VPS13C: variants seen among roughly 807,000 people sequenced by gnomAD.
VPS13C encodes the protein intermembrane lipid transfer protein VPS13C.
VPS13C carries 358 observed loss-of-function variants against 456.8 expected under a neutral mutation model. That is an observed-to-expected ratio of 0.78 (90% CI 0.72 to 0.86). The LOEUF (loss-of-function observed/expected upper bound fraction) is 0.86, where lower values mean the gene tolerates loss of function less well. VPS13C is among the 40% of genes least tolerant of loss of function. The pLI is 0.00. For missense variants in VPS13C, 4,818 were observed against 4,385.4 expected (o/e 1.10, Z -2.79); for synonymous variants, 1,578 against 1,486.7 (o/e 1.06, Z -1.41).
At chr15:61,939,692 A>G (rs2044349631) in intron 47 of VPS13C, among the ~76,000 whole-genome samples, 1 of 152,106 alleles carries the variant, frequency 6.6e-6, no homozygotes, top group Non-Finnish European at 1.5e-5. Flanking sequence ...TTCTAGCTAC[A>G]TTATTAAAAA....
At chr15:61,950,292 A>C in intron 41 of VPS13C, 66 bp downstream of exon 41, 1 of 1,189,528 alleles carries the variant, frequency 8.4e-7, no homozygotes, top group Non-Finnish European at 1.2e-6. Flanking sequence ...CTCACAGTTG[A>C]AAATGGCTAT....
At chr15:62,012,222 A>G (rs760841036) in intron 11 of VPS13C, 58 bp from the exon 12 acceptor site, 21 of 74,374 alleles carry the variant, frequency 2.8e-4, no homozygotes, top group Non-Finnish European at 5.0e-4. Context: ...TCAGACTCAG[A>G]CACACACACA....
intron 66 of VPS13C, among the ~76,000 whole-genome samples, chr15:61,905,372 C>G (rs1468148241): frequency 1.3e-5 from 2 of 152,050 alleles, no homozygotes; most frequent in East Asian, 1.9e-4. Flanking sequence ...GTTAGCTTGG[C>G]TGAAACAGAA....
intron 38 of VPS13C, among the ~76,000 whole-genome samples, chr15:61,952,604 C>T (rs998690500): frequency 6.6e-6 from 1 of 152,190 alleles, no homozygotes; most frequent in African/African-American, 2.4e-5. Context: ...TAAAAACCTT[C>T]ATTAACTCTG....
At chr15:61,898,299 C>G (rs1400149761) in intron 66 of VPS13C, among the ~76,000 whole-genome samples, 1 of 152,046 alleles carries the variant, frequency 6.6e-6, no homozygotes, top group Non-Finnish European at 1.5e-5. Flanking sequence ...TTAAAAGACA[C>G]AGACTGGCAA....
chr15:62,001,971 A>G lies in VPS13C; in HGVS notation c.1291-1345T>C, dbSNP rs1205557104. On this transcript the variant is annotated intron_variant, in intron 15 of 84. Transcript: ENST00000644861. ...CTTTGCTATTGTGAATAATGCCGCAATAAACATATGTGTGCATGTGTCTTT... is the reference window on the plus strand; with the variant it reads ...CTTTGCTATTGTGAATAATGCCGCAGTAAACATATGTGTGCATGTGTCTTT... Among the ~76,000 whole-genome samples the G allele has an allele frequency of 5.9e-5, 9 of 152,342 alleles. No individual in the cohort carries two copies. The East Asian group carries it at 1.7e-3, about 29-fold the overall frequency.
At chr15:62,007,117 G>A (rs1039998785) in intron 15 of VPS13C, among the ~76,000 whole-genome samples, 191 bp downstream of exon 15, 1 of 151,708 alleles carries the variant, frequency 6.6e-6, no homozygotes, top group Non-Finnish European at 1.5e-5. Flanking sequence ...GATATTTGCA[G>A]GGGGAAAAAA....
In VPS13C at chr15:61,954,604, C is replaced by A. The variant is rs775213373; in HGVS notation, c.4166-50G>T. On this transcript the variant is annotated intron_variant, in intron 37 of 84. Coordinates refer to ENST00000644861, the MANE Select transcript of VPS13C (RefSeq NM_020821.3). ...TACTTTTATTCACAAATTTCTTCCA[C>A]AAATATTTATTGTGGACTTATATGA... The A allele has an allele frequency of 2.6e-6, 4 of 1,530,158 alleles. No individual in the cohort carries two copies. In the African/African-American group the frequency reaches 4.2e-5, roughly 16 times the overall value. 94.8% of individuals were successfully genotyped at this position (1,530,158 alleles called of 1,614,324 possible). A position where few individuals can be genotyped will look rare whatever the true frequency, so the allele number is the denominator to read the frequency against.
intron 68 of VPS13C, 65 bp from the exon 69 acceptor site, chr15:61,882,801 T>C (rs1895967335): frequency 2.1e-6 from 3 of 1,432,654 alleles, no homozygotes; most frequent in Non-Finnish European, 2.8e-6. Context: ...CCATTTTTAA[T>C]ATCTGTTTAT....
Position 61,919,343 on chromosome 15 carries a change from T to C in VPS13C, c.7584A>G (p.Val2528=). The C allele has an allele frequency of 6.2e-7, 1 of 1,606,928 alleles. No individual in the cohort carries two copies. Among genetic ancestry groups the C allele is most frequent in the Non-Finnish European group, 8.5e-7 (1 of 1,177,010 alleles). Residue 2528 remains valine (V), a synonymous_variant, in exon 58 of 85, where the codon GTA becomes GTG. Transcript: ENST00000644861. ...PNASHSDSVL[V]QIDATEGNKV... ...TATTCCCTTCAGTTGCATCAATTTG[T>C]ACCAAGACAGAGTCAGAATGACTGG...
intron 8 of VPS13C, 46 bp from the exon 9 acceptor site, chr15:62,020,584 G>A: frequency 3.2e-6 from 5 of 1,574,202 alleles, no homozygotes; most frequent in African/African-American, 1.4e-5. Flanking sequence ...GATGGTGAAG[G>A]CGAATCCATG....
At chr15:61,982,596 T>C (rs2045921863) in intron 20 of VPS13C, 23 bp from the exon 21 acceptor site, 1 of 1,542,962 alleles carries the variant, frequency 6.5e-7, no homozygotes, top group Non-Finnish European at 8.8e-7. Flanking sequence ...TTTTTTAACA[T>C]AACCAAGTTA....
intron 82 of VPS13C, among the ~76,000 whole-genome samples, chr15:61,862,435 C>G (rs940865826): frequency 6.6e-6 from 1 of 151,758 alleles, no homozygotes; most frequent in African/African-American, 2.4e-5. Context: ...TAAGTATTAC[C>G]AAAAAAACCC....
At chr15:61,917,070 A>C (rs2043494547) in intron 60 of VPS13C, among the ~76,000 whole-genome samples, 1 of 152,122 alleles carries the variant, frequency 6.6e-6, no homozygotes, top group Non-Finnish European at 1.5e-5. Context: ...TTTTCAACTC[A>C]GTTTTCTTAT....
In VPS13C at chr15:61,940,733, G is replaced by C. The variant is rs754547961; in HGVS notation, c.5515C>G (p.Leu1839Val). 1 of 1,613,600 alleles carries C rather than the reference G, an allele frequency of 6.2e-7. No individual in the cohort carries two copies. The highest frequency in any genetic ancestry group is 1.3e-5 in the African/African-American group (1 of 74,924). The change falls in exon 47 of 85, where the codon CTT (leucine) becomes GTT (valine). Residue 1839 changes from leucine to valine, a missense_variant. Leu to Val is a conservative substitution (Grantham distance 32). Around this residue, in one of 3 missense-constraint regions of VPS13C, gnomAD observed 4,552 missense variants for 4,130.6 expected, o/e 1.10. Transcript: ENST00000644861. ...DIEILKPVNMLLSIQRNLAAA... is the reference protein window; with the variant it reads ...DIEILKPVNMVLSIQRNLAAA... ...GCTAAGTTTCGCTGTATGGACAAAA[G>C]CATGTTGACTGGTTTTAAAATTTCA...
At chr15:61,928,041 G>T (rs1407344052) in intron 51 of VPS13C, among the ~76,000 whole-genome samples, 2 of 148,758 alleles carry the variant, frequency 1.3e-5, no homozygotes, top group African/African-American at 5.0e-5. Flanking sequence ...GGGGACCGTT[G>T]TGGGGTTGGG....
At chr15:61,892,269 G>T (rs1566973766) in intron 66 of VPS13C, among the ~76,000 whole-genome samples, 1 of 152,188 alleles carries the variant, frequency 6.6e-6, no homozygotes, top group Non-Finnish European at 1.5e-5. Flanking sequence ...CTGTTCAGCA[G>T]CACAACACTG....
chr15:61,943,527 C>T (rs1166231943), intron 45 of VPS13C, among the ~76,000 whole-genome samples: 1 of 151,984 alleles, frequency 6.6e-6, no homozygotes, highest in Non-Finnish European at 1.5e-5. Flanking sequence ...GAAAGGATTC[C>T]CTATTCAGTA....
rs765246147 is a variant in VPS13C, at chr15:61,972,708, T to C, written c.2674A>G (p.Met892Val). The C allele has an allele frequency of 3.7e-6, 6 of 1,613,308 alleles. No individual in the cohort carries two copies. The Admixed American group carries it at 8.3e-5, about 22-fold the overall frequency. ...GCTTTTTTAAGTTCTGATCCTTTCA[T>C]ACTTTTACAAGTCTGTGGTTCTCCA... ...EDGEPQTCKS[M>V]KGSELKKAAE... The change falls in exon 27 of 85, where the codon ATG (methionine) becomes GTG (valine). Residue 892 changes from methionine (M) to valine (V), a missense_variant. Transcript: ENST00000644861.
Sources: allele counts gnomAD v4.1 joint callset (sites outside exome capture counted in the v4.1 genomes callset), GRCh38; gene constraint gnomAD v4.1.1; regional missense constraint gnomAD v4.1.1; transcripts MANE v1.5; gene names NCBI Gene and HGNC (gene_info 2026-07-23, HGNC 2026-07-21).